Variants in SKOR2 observed in about 807,000 individuals in gnomAD.
The protein encoded by SKOR2 is SKI family transcriptional corepressor 2, also known as LBX1 corepressor 1-like protein.
A neutral mutation model predicts 69.1 loss-of-function variants in SKOR2; 47 were observed. The observed-to-expected ratio is 0.68, with a 90% CI of 0.54 to 0.87. The LOEUF (loss-of-function observed/expected upper bound fraction) is 0.87, where lower values mean the gene tolerates loss of function less well. SKOR2 is among the 40% of genes least tolerant of loss of function. The pLI, the probability that SKOR2 is intolerant of heterozygous loss-of-function variation, is 0.00. For missense variants in SKOR2, 1,404 were observed against 1,472.2 expected (o/e 0.95, Z 0.76); for synonymous variants, 717 against 672.6 (o/e 1.07, Z -1.02).
intron 7 of SKOR2, among the ~76,000 whole-genome samples, chr18:47,216,841 A>T (rs1347293735): frequency 6.6e-6 from 1 of 152,212 alleles, no homozygotes; most frequent in Non-Finnish European, 1.5e-5. Context: ...TGCTCTGTAA[A>T]CTTTAAATAT....
At chr18:47,244,453 G>A (rs1202933369) in intron 4 of SKOR2, among the ~76,000 whole-genome samples, 1 of 152,128 alleles carries the variant, frequency 6.6e-6, no homozygotes, top group African/African-American at 2.4e-5. Flanking sequence ...ATCAGTAAAA[G>A]GTGGTTTCAT....
At chr18:47,234,350 A>T (rs2064212185) in intron 4 of SKOR2, 1 of 151,992 alleles carries the variant, frequency 6.6e-6, no homozygotes. Context: ...GGTTGGCTAC[A>T]TTTTACTTTT....
At chr18:47,211,721 G>A (rs551688637) in intron 8 of SKOR2, among the ~76,000 whole-genome samples, 54 of 152,274 alleles carry the variant, frequency 3.5e-4, no homozygotes, top group South Asian at 1.2e-3. Flanking sequence ...TTTTGGAAGC[G>A]AAGGAGAGAC....
chr18:47,247,087 C>G lies in SKOR2; in HGVS notation c.2097G>C (p.Pro699=), dbSNP rs1436991363. ...CCAGAGGGGGCGGCGGGGGCGGCGGCGGCGGCGGCGGCGGGGCCGGGTGGT... is the reference window on the plus strand; with the variant it reads ...CCAGAGGGGGCGGCGGGGGCGGCGGGGGCGGCGGCGGCGGGGCCGGGTGGT... ...ERHHPAPPPP[P]PPPPPPPLAQ... Residue 699 remains proline (P), a synonymous_variant, in exon 2 of 9, where the codon CCG becomes CCC. Coordinates refer to ENST00000425639, the MANE Select transcript of SKOR2 (RefSeq NM_001278063.4). This position sits in a 1 kb window ranked among gnomAD's most constrained non-coding sequence, Gnocchi z 6.6. 2.3e-5 allele frequency: 22 copies of G among 965,912 alleles called. No homozygotes were observed. The South Asian group carries it at 3.8e-4, about 17-fold the overall frequency. The allele number at this position is 965,912 out of a possible 1,614,324, so 59.8% of individuals were successfully genotyped here.
rs2064285501 is a variant in SKOR2 at position 47,247,537 on chromosome 18, C to T, written c.1647G>A (p.Gly549=). ...AGAGCGCGTCGCGAGAGCCGGCGCC[C>T]CCGGCAGGAGGAGGTGGGCCGGAGC... The part of the protein sequence containing the change: ...GPGSGPPPPA[G]GAGSRDALFE... The change falls in exon 2 of 9, where the codon GGG becomes GGA. Residue 549 remains glycine, a synonymous_variant. Transcript: ENST00000425639. This position sits in a 1 kb window ranked among gnomAD's most constrained non-coding sequence, Gnocchi z 6.6. 4 of 1,217,792 alleles carry T rather than the reference C, an allele frequency of 3.3e-6. No individual in the cohort carries two copies. The highest frequency in any genetic ancestry group is 4.1e-6 in the Non-Finnish European group (4 of 979,894). The allele number at this position is 1,217,792 out of a possible 1,614,324, so 75.4% of individuals were successfully genotyped here. A position where few individuals can be genotyped will look rare whatever the true frequency, so the allele number is the denominator to read the frequency against.
At chr18:47,213,358 G>GAT (rs939905935) in intron 7 of SKOR2, among the ~76,000 whole-genome samples, 21 of 146,910 alleles carry the variant, frequency 1.4e-4, no homozygotes, top group African/African-American at 3.2e-4. Context: ...ATTAGGCAAT[G>GAT]ATATATATAT....
chr18:47,246,666 G>T lies in SKOR2; in HGVS notation c.2518C>A (p.Pro840Thr). 6 of 1,497,318 alleles carry T rather than the reference G, an allele frequency of 4.0e-6. No homozygotes were observed. Among genetic ancestry groups the T allele is most frequent in the Non-Finnish European group, 5.3e-6 (6 of 1,131,858 alleles). The allele number at this position is 1,497,318 out of a possible 1,614,324, so 92.8% of individuals were successfully genotyped here. The change falls in exon 2 of 9, where the codon CCC becomes ACC. Residue 840 changes from proline (P) to threonine (T), a missense_variant. Physicochemically the swap from Pro to Thr is conservative, Grantham distance 38. This residue lies in a region of SKOR2 where 1,266 missense variants were observed against 1,309.9 expected (regional missense o/e 0.97). Coordinates refer to ENST00000425639, the MANE Select transcript of SKOR2 (RefSeq NM_001278063.4). ...CCACTCGCCTTCTGGGGGGCCAGGG[G>T]CGGCGGCGGGGGCGGGGGCAGGTCC... ...GSDLPPPPPP[P>T]LAPQKASGGG...
intron 6 of SKOR2, 39 bp from the exon 7 acceptor site, chr18:47,220,049 G>A (rs2064156502): frequency 2.0e-6 from 3 of 1,482,950 alleles, no homozygotes; most frequent in Non-Finnish European, 2.7e-6. Flanking sequence ...TAACTAAAGT[G>A]TAAAATCTAC....
At chr18:47,211,938 CATA>C in intron 8 of SKOR2, 145 bp downstream of exon 8, 1 of 600,058 alleles carries the variant, frequency 1.7e-6, no homozygotes, top group East Asian at 3.5e-5. Context: ...CATCCCCAGA[CATA>C]ATGAAGTTTA....
Position 47,247,005 on chromosome 18 carries a change from G to T in SKOR2, c.2179C>A (p.Pro727Thr). The change falls in exon 2 of 9, where the codon CCC becomes ACC. Residue 727 changes from proline to threonine, a missense_variant. Pro to Thr is a conservative substitution (Grantham distance 38, BLOSUM62 -1). Coordinates refer to ENST00000425639, the MANE Select transcript of SKOR2 (RefSeq NM_001278063.4). The surrounding 1 kb of genome is among the most constrained non-coding windows in gnomAD (Gnocchi z 6.6). ...TCGTCCTCGGAGCTGTCCTCGCTGG[G>T]GTAGCAGCAGCTGGTTCCCCCGGGA... ...LSPGGTSCCY[P>T]SEDSSEDEDD... is the part of the protein sequence containing the mutation. 1 of 1,496,698 alleles carries T rather than the reference G, an allele frequency of 6.7e-7. No individual in the cohort carries two copies. The highest frequency in any genetic ancestry group is 8.9e-7 in the Non-Finnish European group (1 of 1,129,300). 92.7% of individuals were successfully genotyped at this position (1,496,698 alleles called of 1,614,324 possible). A position where few individuals can be genotyped will look rare whatever the true frequency, so the allele number is the denominator to read the frequency against.
Position 47,247,584 on chromosome 18 carries a change from GC to G in SKOR2, c.1599del (p.Gln534ArgfsTer2). On this transcript the variant is annotated frameshift_variant, in exon 2 of 9. Transcript: ENST00000425639. LOFTEE classifies it high-confidence loss of function. The surrounding 1 kb of genome is among the most constrained non-coding windows in gnomAD (Gnocchi z 6.6). ...GAGCCCGGGCCGTTGGCCACTACCTGCGGGGGCTGCCCCGGCGGGGGCGCGG... is the reference window on the plus strand; with the variant it reads ...GAGCCCGGGCCGTTGGCCACTACCTGGGGGGCTGCCCCGGCGGGGGCGCGG... ...AEAAPPPGQP[P>X]QVVANGPGSG... 1 of 1,258,720 alleles carries G rather than the reference GC, an allele frequency of 7.9e-7. No homozygotes were observed. Among genetic ancestry groups the G allele is most frequent in the Non-Finnish European group, 1.0e-6 (1 of 1,004,284 alleles). 78.0% of individuals were successfully genotyped at this position (1,258,720 alleles called of 1,614,324 possible).
intron 8 of SKOR2, among the ~76,000 whole-genome samples, chr18:47,211,216 G>A (rs908041504): frequency 2.0e-5 from 3 of 152,142 alleles, no homozygotes. Context: ...GGAGGAGTGG[G>A]AAGAGTCATT....
Position 47,248,324 on chromosome 18 carries a change from GGC to G in SKOR2, c.858_859del (p.Pro287AlafsTer136). The G allele has an allele frequency of 8.3e-7, 1 of 1,199,752 alleles. No individual in the cohort carries two copies. Among genetic ancestry groups the G allele is most frequent in the Non-Finnish European group, 1.0e-6 (1 of 969,554 alleles). 74.3% of individuals were successfully genotyped at this position (1,199,752 alleles called of 1,614,324 possible). A position where few individuals can be genotyped will look rare whatever the true frequency, so the allele number is the denominator to read the frequency against. ...CAAGGGCGGCGGTGGCGGCGGCGGCGGCGGGGGCGCACCCAGCAGGTGGGGGC... is the reference window on the plus strand; with the variant it reads ...CAAGGGCGGCGGTGGCGGCGGCGGCGGGGGGCGCACCCAGCAGGTGGGGGC... On this transcript the variant is annotated frameshift_variant, in exon 2 of 9. Transcript: ENST00000425639. LOFTEE classifies it high-confidence loss of function. The surrounding 1 kb of genome is among the most constrained non-coding windows in gnomAD (Gnocchi z 6.4).
intron 4 of SKOR2, chr18:47,234,579 A>G (rs2064213496): frequency 6.6e-6 from 1 of 152,126 alleles, no homozygotes; most frequent in Admixed American, 6.6e-5. Context: ...GGGGTTGGTG[A>G]GCCAGATGTG....
chr18:47,208,695 G>A (rs2064119627), intron 8 of SKOR2, among the ~76,000 whole-genome samples: 1 of 152,174 alleles, frequency 6.6e-6, no homozygotes, highest in Admixed American at 6.6e-5. Context: ...CTAGATGTAA[G>A]GAAGGCCGTC....
At chr18:47,229,459 G>T (rs1157509658) in intron 6 of SKOR2, among the ~76,000 whole-genome samples, 1 of 152,064 alleles carries the variant, frequency 6.6e-6, no homozygotes, top group Non-Finnish European at 1.5e-5. Context: ...TTCGAGACCT[G>T]CCTGACCAAT....
At chr18:47,222,397 G>T (rs2064164455) in intron 6 of SKOR2, among the ~76,000 whole-genome samples, 1 of 152,106 alleles carries the variant, frequency 6.6e-6, no homozygotes, top group African/African-American at 2.4e-5. Flanking sequence ...TCTTTCCTGT[G>T]CAGGGGAAGT....
In SKOR2 at chr18:47,247,366, G is replaced by A. The variant is rs1343749847; in HGVS notation, c.1818C>T (p.His606=). ...CGCCCGCTTTGCGCCCCTCCAGAAGGTGCGGATGGTGGGGCGCCGGAACCC... is the reference window on the plus strand; with the variant it reads ...CGCCCGCTTTGCGCCCCTCCAGAAGATGCGGATGGTGGGGCGCCGGAACCC... ...GSRVPAPHHP[H]LLEGRKAGGG... Residue 606 remains histidine (H), a synonymous_variant, in exon 2 of 9, where the codon CAC becomes CAT. Transcript: ENST00000425639. This position sits in a 1 kb window ranked among gnomAD's most constrained non-coding sequence, Gnocchi z 6.6. The A allele has an allele frequency of 3.5e-6, 5 of 1,443,234 alleles. No individual in the cohort carries two copies. In the Admixed American group the frequency reaches 1.0e-4, roughly 30 times the overall value. The allele number at this position is 1,443,234 out of a possible 1,614,324, so 89.4% of individuals were successfully genotyped here. A position where few individuals can be genotyped will look rare whatever the true frequency, so the allele number is the denominator to read the frequency against.
chr18:47,246,540 T>G, intron 2 of SKOR2, 31 bp downstream of exon 2: 1 of 1,474,296 alleles, frequency 6.8e-7, no homozygotes, highest in Non-Finnish European at 8.9e-7. Context: ...TAATAATAAT[T>G]AGCTTGAAGG....
Sources: allele counts gnomAD v4.1 joint callset (sites outside exome capture counted in the v4.1 genomes callset), GRCh38; gene constraint gnomAD v4.1.1; regional missense constraint gnomAD v4.1.1; non-coding constraint Gnocchi (gnomAD v3.1); transcripts MANE v1.5; gene names NCBI Gene and HGNC (gene_info 2026-07-23, HGNC 2026-07-21).